Variants in USP20 observed in about 807,000 individuals in gnomAD.
The protein encoded by USP20 is ubiquitin carboxyl-terminal hydrolase 20.
USP20 carries 80 observed loss-of-function variants against 124.2 expected under a neutral mutation model. The observed-to-expected ratio is 0.64, with a 90% CI of 0.54 to 0.78. The LOEUF (loss-of-function observed/expected upper bound fraction) is 0.78. USP20 is among the 30% of genes least tolerant of loss of function. The probability of loss-of-function intolerance (pLI) is 0.00; values close to 1 mark genes in which losing one functional copy is unlikely to be tolerated. For synonymous variants in USP20, 481 were observed against 512.3 expected, an observed-to-expected ratio of 0.94 and a Z score of 0.83; for missense variants, 1,043 against 1,244.4, an observed-to-expected ratio of 0.84 and a Z score of 2.44.
In USP20 at chr9:129,853,028, A is replaced by G. The variant is rs544366668; in HGVS notation, c.81+392A>G. ...TCTCAGAGTAGGAGGATGTGTTGCC[A>G]TCCTTTTGGTGTTGTGAAATGAAAA... On this transcript the variant is annotated intron_variant, in intron 3 of 25. Coordinates refer to ENST00000372429, the MANE Select transcript of USP20 (RefSeq NM_001110303.4). 1.6e-3 allele frequency among the ~76,000 whole-genome samples: 251 copies of G among 152,234 alleles called. 1 individual carries two copies. The highest frequency in any genetic ancestry group is 5.9e-3 in the African/African-American group (244 of 41,522).
rs755492114 is a variant in USP20, at chr9:129,869,666, C to T, written c.1393-6C>T. 1.2e-6 allele frequency: 2 copies of T among 1,613,968 alleles called. No individual in the cohort carries two copies. Among genetic ancestry groups the T allele is most frequent in the Non-Finnish European group, 1.7e-6 (2 of 1,179,976 alleles). On this transcript the variant is annotated splice_region_variant and splice_polypyrimidine_tract_variant and intron_variant, in intron 13 of 25. Transcript: ENST00000372429. ...ATGGGCAGCAGACTGACCTTCAACC[C>T]CACAGGTATCCACCACAGTGGAAAC...
In USP20 at chr9:129,860,930, A is replaced by G. The variant is rs369664480; in HGVS notation, c.331-7A>G. ...ACTGTTTTCCTCACTTTGGGTCTTT[A>G]ACACAGGACTCCCCGCCACCCTCCC... On this transcript the variant is annotated splice_polypyrimidine_tract_variant and splice_region_variant and intron_variant, in intron 6 of 25. Transcript: ENST00000372429. 5.0e-6 allele frequency: 8 copies of G among 1,613,776 alleles called. No individual in the cohort carries two copies. The African/African-American group carries it at 1.1e-4, about 22-fold the overall frequency.
At chr9:129,841,011 TC>T (rs1407501124) in intron 1 of USP20, among the ~76,000 whole-genome samples, 1 of 152,148 alleles carries the variant, frequency 6.6e-6, no homozygotes, top group Non-Finnish European at 1.5e-5. Context: ...CCTCTGGTGA[TC>T]CGCCAGCCTC....
chr9:129,870,027 G>A, intron 14 of USP20, 183 bp downstream of exon 14: 1 of 717,256 alleles, frequency 1.4e-6, no homozygotes, highest in Non-Finnish European at 2.3e-6. Context: ...CTACTTTGAA[G>A]TGGCCAGGAT....
In USP20 at chr9:129,875,349, G is replaced by C. The variant is rs773722835; in HGVS notation, c.2088G>C (p.Val696=). 1 of 1,612,502 alleles carries C rather than the reference G, an allele frequency of 6.2e-7. No homozygotes were observed. The highest frequency in any genetic ancestry group is 1.1e-5 in the South Asian group (1 of 91,004). The change falls in exon 20 of 26, where the codon GTG becomes GTC. Residue 696 remains valine, a synonymous_variant. Coordinates refer to ENST00000372429, the MANE Select transcript of USP20 (RefSeq NM_001110303.4). Reference sequence around the variant, plus strand: ...AGGCCATGCGGGAGCGACAGCAGGTGGTGTCCCTGGCCGCCATGCGGGAGC... The same window carrying C: ...AGGCCATGCGGGAGCGACAGCAGGTCGTGTCCCTGGCCGCCATGCGGGAGC... The part of the protein sequence containing the change: ...SEEAMRERQQ[V]VSLAAMREPS...
In USP20 at chr9:129,868,958, G is replaced by T. The variant is rs750749634; in HGVS notation, c.1232G>T (p.Arg411Leu). 2.5e-6 allele frequency: 4 copies of T among 1,612,722 alleles called. No homozygotes were observed. The highest frequency in any genetic ancestry group is 3.4e-6 in the Non-Finnish European group (4 of 1,179,342). ...GHAKLSSSPP[R>L]ASPVRMAPSY... ...GCCAAGCTGTCTAGCAGCCCCCCTCGTGCAAGCCCCGTGAGGATGGCACCG... is the reference window on the plus strand; with the variant it reads ...GCCAAGCTGTCTAGCAGCCCCCCTCTTGCAAGCCCCGTGAGGATGGCACCG... The change falls in exon 12 of 26, where the codon CGT (arginine) becomes CTT (leucine). Residue 411 changes from arginine (R) to leucine (L), a missense_variant. Physicochemically the swap from Arg to Leu is moderately radical, Grantham distance 102. Transcript: ENST00000372429.
At chr9:129,864,526 A>G (rs1267939541) in intron 9 of USP20, among the ~76,000 whole-genome samples, 4 of 149,852 alleles carry the variant, frequency 2.7e-5, no homozygotes, top group Non-Finnish European at 5.9e-5. Flanking sequence ...CTGTAATCCC[A>G]GTACTTTGGG....
In USP20 at chr9:129,879,177, G is replaced by A. The variant is rs1246877965; in HGVS notation, c.2513-396G>A. Among the ~76,000 whole-genome samples, 1 of 152,238 alleles carries A rather than the reference G, an allele frequency of 6.6e-6. No individual in the cohort carries two copies. Among genetic ancestry groups the A allele is most frequent in the Non-Finnish European group, 1.5e-5 (1 of 68,030 alleles). ...TGGACGCTGGCCTTGCCTTCTACCA[G>A]CTATGACCTGAGTGGTTACTTCACC... is the stretch of plus-strand genomic sequence containing the variant. On this transcript the variant is annotated intron_variant, in intron 23 of 25. Coordinates refer to ENST00000372429, the MANE Select transcript of USP20 (RefSeq NM_001110303.4). The surrounding 1 kb of genome is among the most constrained non-coding windows in gnomAD (Gnocchi z 4.2).
chr9:129,846,228 C>CATATATATATATATATATATAT (rs1159489842), intron 1 of USP20, among the ~76,000 whole-genome samples: 8 of 59,424 alleles, frequency 1.3e-4, no homozygotes, highest in South Asian at 7.4e-4. Context: ...TGCGCCCAGC[C>CATATATATATATATATATATAT]ATATATATAT....
chr9:129,869,214 A>G (rs1011137773), intron 12 of USP20, 96 bp from the exon 13 acceptor site: 1 of 1,361,494 alleles, frequency 7.3e-7, no homozygotes, highest in Non-Finnish European at 1.0e-6. Context: ...TGACTCACGG[A>G]TGTCACTCCA....
At chr9:129,866,403 A>C (rs1349494681) in intron 10 of USP20, among the ~76,000 whole-genome samples, 2 of 152,216 alleles carry the variant, frequency 1.3e-5, no homozygotes, top group East Asian at 3.9e-4. Flanking sequence ...TAGAAGTCTC[A>C]CAAAGTGGGC....
chr9:129,850,730 G>A (rs115154450), intron 2 of USP20, among the ~76,000 whole-genome samples: 22,592 of 151,926 alleles, frequency 0.15, 2,231 homozygotes, highest in African/African-American at 0.27. Context: ...ATGTTGGCTT[G>A]CCACAACTTC....
chr9:129,869,457 C>G, intron 13 of USP20, 32 bp downstream of exon 13: 1 of 1,602,860 alleles, frequency 6.2e-7, no homozygotes, highest in Non-Finnish European at 8.5e-7. Flanking sequence ...GGAGCTGGGC[C>G]AGGCTGCCAG....
At chr9:129,870,186 C>G (rs891339831) in intron 14 of USP20, 1 of 565,552 alleles carries the variant, frequency 1.8e-6, no homozygotes, top group African/African-American at 1.9e-5. Flanking sequence ...AGGCCAGAGA[C>G]CCGCATGACC....
At chr9:129,877,064 GT>G (rs758345042) in intron 22 of USP20, among the ~76,000 whole-genome samples, 1 of 152,182 alleles carries the variant, frequency 6.6e-6, no homozygotes, top group Non-Finnish European at 1.5e-5. Context: ...GTGTGACTGT[GT>G]TTAGAAGAGG....
chr9:129,836,820 A>T (rs2031873713), intron 1 of USP20, among the ~76,000 whole-genome samples: 1 of 152,164 alleles, frequency 6.6e-6, no homozygotes, highest in African/African-American at 2.4e-5. Context: ...CACTCACTGG[A>T]TACGGAGTCC....
At chr9:129,841,649 C>T (rs1184990157) in intron 1 of USP20, among the ~76,000 whole-genome samples, 1 of 152,136 alleles carries the variant, frequency 6.6e-6, no homozygotes, top group Non-Finnish European at 1.5e-5. Context: ...CTTCACGTTG[C>T]AGGGAAGCAA....
intron 15 of USP20, among the ~76,000 whole-genome samples, chr9:129,872,483 G>T (rs1203724344): frequency 1.3e-5 from 2 of 152,110 alleles, no homozygotes; most frequent in Non-Finnish European, 2.9e-5. Context: ...TATGTGTCCA[G>T]ATACGTGACT....
Position 129,869,101 on chromosome 9 carries a change from T to C in USP20, c.1276+99T>C, listed in dbSNP as rs2033983660. The C allele has an allele frequency of 2.5e-5, 36 of 1,468,284 alleles. 3 individuals are homozygous for C. The South Asian group carries it at 4.6e-4, about 19-fold the overall frequency. 91.0% of individuals were successfully genotyped at this position (1,468,284 alleles called of 1,614,324 possible). On this transcript the variant is annotated intron_variant, in intron 12 of 25. Coordinates refer to ENST00000372429, the MANE Select transcript of USP20 (RefSeq NM_001110303.4). The stretch of plus-strand genomic sequence containing the variant: ...GGCCCCCTGTGGCGGAGGGCCGGGC[T>C]ATGGGCTCCTCTCAGGTACACCCCT...
Sources: allele counts gnomAD v4.1 joint callset (sites outside exome capture counted in the v4.1 genomes callset), GRCh38; gene constraint gnomAD v4.1.1; non-coding constraint Gnocchi (gnomAD v3.1); transcripts MANE v1.5; gene names NCBI Gene and HGNC (gene_info 2026-07-23, HGNC 2026-07-21).